Variants in ATP13A4 observed in about 807,000 individuals in gnomAD.
The protein encoded by ATP13A4 is ATPase 13A4, also known as probable cation-transporting ATPase 13A4.
A neutral mutation model predicts 142.5 loss-of-function variants in ATP13A4; 114 were observed. The ratio of observed to expected loss-of-function variants is 0.80; its 90% CI spans 0.69 to 0.93. The LOEUF is 0.93. ATP13A4 is among the 40% of genes least tolerant of loss of function. The pLI is 0.00. For synonymous variants in ATP13A4, 488 were observed against 514.8 expected, an observed-to-expected ratio of 0.95 and a Z score of 0.70; for missense variants, 1,392 against 1,454.0, an observed-to-expected ratio of 0.96 and a Z score of 0.69.
At position 193,548,187 on chromosome 3, in the gene ATP13A4, T is replaced by C. The variant is rs79686182; in HGVS notation, c.60+6553A>G. ...TCCAAATAAATAACATAACATTTTC[T>C]AGGTTTATTTTTAAATTACTCAAAC... On this transcript the variant is annotated intron_variant, in intron 1 of 29. Transcript: ENST00000342695. Among the ~76,000 whole-genome samples, 826 of 152,310 alleles carry C rather than the reference T, an allele frequency of 5.4e-3. 13 individuals are homozygous for C. Among genetic ancestry groups the C allele is most frequent in the African/African-American group, 0.019 (777 of 41,560 alleles).
intron 2 of ATP13A4, among the ~76,000 whole-genome samples, chr3:193,560,298 T>G (rs1425950231): frequency 6.6e-6 from 1 of 151,946 alleles, no homozygotes; most frequent in African/African-American, 2.4e-5. Flanking sequence ...ACCCTCAATC[T>G]CATAGGCCCA....
At chr3:193,576,753 G>A (rs893593904) in intron 2 of ATP13A4, among the ~76,000 whole-genome samples, 1 of 152,162 alleles carries the variant, frequency 6.6e-6, no homozygotes, top group African/African-American at 2.4e-5. Flanking sequence ...TAGAATCTCT[G>A]GAAGGGTTGA....
intron 3 of ATP13A4, among the ~76,000 whole-genome samples, chr3:193,494,412 A>G (rs185861268): frequency 6.6e-6 from 1 of 152,062 alleles, no homozygotes; most frequent in Admixed American, 6.6e-5. Flanking sequence ...TTAAAATCAT[A>G]TCAAGTATTT....
chr3:193,505,599 T>C (rs1241743587), intron 2 of ATP13A4, among the ~76,000 whole-genome samples: 1 of 152,200 alleles, frequency 6.6e-6, no homozygotes, highest in African/African-American at 2.4e-5. Context: ...TTATGTATCA[T>C]ACATAATTCT....
intron 29 of ATP13A4, among the ~76,000 whole-genome samples, chr3:193,404,393 T>A (rs1010805104): frequency 6.6e-6 from 1 of 152,206 alleles, no homozygotes; most frequent in African/African-American, 2.4e-5. Context: ...AGAGAGGTGA[T>A]CTGTCCTGTT....
chr3:193,477,459 G>A (rs1466390377), intron 8 of ATP13A4, among the ~76,000 whole-genome samples: 1 of 151,560 alleles, frequency 6.6e-6, no homozygotes, highest in Non-Finnish European at 1.5e-5. Context: ...TAAAAAATAT[G>A]GACAAAAAAT....
chr3:193,592,049 T>C (rs555928285), intron 1 of ATP13A4, among the ~76,000 whole-genome samples: 139 of 149,712 alleles, frequency 9.3e-4, no homozygotes, highest in African/African-American at 3.1e-3. Flanking sequence ...GGTGGTATTG[T>C]GAGTGCATGG....
At chr3:193,537,008 A>G (rs973650787) in intron 1 of ATP13A4, among the ~76,000 whole-genome samples, 7 of 152,106 alleles carry the variant, frequency 4.6e-5, no homozygotes, top group African/African-American at 1.7e-4. Context: ...GGAAAGCTAA[A>G]CATAGTAAAG....
intron 1 of ATP13A4, among the ~76,000 whole-genome samples, chr3:193,541,645 C>G (rs897188934): frequency 6.6e-6 from 1 of 152,136 alleles, no homozygotes; most frequent in Non-Finnish European, 1.5e-5. Flanking sequence ...CTCCAAGTAA[C>G]AGTATCCAAT....
intron 1 of ATP13A4, among the ~76,000 whole-genome samples, chr3:193,592,562 G>C (rs189314820): frequency 6.6e-6 from 1 of 152,346 alleles, no homozygotes; most frequent in African/African-American, 2.4e-5. Flanking sequence ...AGGCCTTGAC[G>C]AGGACCATTT....
intron 26 of ATP13A4, among the ~76,000 whole-genome samples, chr3:193,413,992 C>T (rs1217593673): frequency 6.6e-6 from 1 of 152,166 alleles, no homozygotes; most frequent in Non-Finnish European, 1.5e-5. Context: ...GTTTTTGCAG[C>T]TCAGATGGGC....
chr3:193,450,307 ACACACAGCAAGTGCTCAG>A, intron 17 of ATP13A4, among the ~76,000 whole-genome samples: 1 of 152,290 alleles, frequency 6.6e-6, no homozygotes, highest in Admixed American at 6.5e-5. Flanking sequence ...GCGGTGCCCA[ACACACAGCAAGTGCTCAG>A]CAAATGTGTG....
chr3:193,460,039 G>A (rs1164597437), intron 13 of ATP13A4, among the ~76,000 whole-genome samples: 5 of 152,150 alleles, frequency 3.3e-5, no homozygotes, highest in South Asian at 2.1e-4. Context: ...TTAGGAGGAC[G>A]TTTGAACGGT....
At chr3:193,415,988 A>G (rs1715040782) in intron 25 of ATP13A4, among the ~76,000 whole-genome samples, 1 of 152,196 alleles carries the variant, frequency 6.6e-6, no homozygotes, top group Non-Finnish European at 1.5e-5. Context: ...ACTCAGTGTA[A>G]GCCTGGCAAA....
intron 1 of ATP13A4, among the ~76,000 whole-genome samples, chr3:193,526,458 T>C (rs1722008727): frequency 6.6e-6 from 1 of 151,678 alleles, no homozygotes; most frequent in African/African-American, 2.4e-5. Context: ...TGTTGCAGGG[T>C]GGGGAGCAAG....
chr3:193,410,656 C>T (rs1203256879), intron 28 of ATP13A4, among the ~76,000 whole-genome samples: 1 of 152,100 alleles, frequency 6.6e-6, no homozygotes, highest in East Asian at 1.9e-4. Flanking sequence ...AAATTTGAGG[C>T]TATAGTGAAC....
intron 1 of ATP13A4, chr3:193,553,783 T>C (rs1723728873): frequency 6.6e-6 from 1 of 152,236 alleles, no homozygotes; most frequent in Admixed American, 6.5e-5. Context: ...CAGATTAGAC[T>C]TGAAAGACCA....
chr3:193,467,265 A>C (rs1441853332), intron 10 of ATP13A4, 51 bp downstream of exon 10: 1 of 1,598,830 alleles, frequency 6.3e-7, no homozygotes, highest in Non-Finnish European at 8.6e-7. Flanking sequence ...GCACTAGACA[A>C]ACTGGGCAAA....
chr3:193,444,270 ACATC>A (rs1394187385), intron 18 of ATP13A4, among the ~76,000 whole-genome samples: 9 of 152,230 alleles, frequency 5.9e-5, no homozygotes, highest in Admixed American at 2.0e-4. Context: ...TAGTGGAACA[ACATC>A]TTTGAGGTGC....
Sources: allele counts gnomAD v4.1 joint callset (sites outside exome capture counted in the v4.1 genomes callset), GRCh38; gene constraint gnomAD v4.1.1; transcripts MANE v1.5; gene names NCBI Gene and HGNC (gene_info 2026-07-23, HGNC 2026-07-21).